The following NDUFAF6 variants were observed in gnomAD, a reference collection of about 807,000 sequenced individuals.
The protein encoded by NDUFAF6 is NADH dehydrogenase (ubiquinone) complex I, assembly factor 6.
A neutral mutation model predicts 40.8 loss-of-function variants in NDUFAF6; 45 were observed. The ratio of observed to expected loss-of-function variants is 1.10; its 90% CI spans 0.87 to 1.42. NDUFAF6 has a LOEUF of 1.42. Among genes scored for constraint, NDUFAF6 ranks in the 40% most tolerant of loss-of-function variants. The pLI is 0.00. For synonymous variants in NDUFAF6, 185 were observed against 155.9 expected (o/e 1.19, Z -1.39); for missense variants, 435 against 418.5 (o/e 1.04, Z -0.34).
At chr8:94,962,657 G>A (rs964471919) in intron 1 of NDUFAF6, among the ~76,000 whole-genome samples, 1 of 150,552 alleles carries the variant, frequency 6.6e-6, no homozygotes, top group African/African-American at 2.5e-5. Context: ...CTGTTTCCCA[G>A]GCTTGAGTAC....
At chr8:94,960,031 G>A (rs184572669) in intron 1 of NDUFAF6, among the ~76,000 whole-genome samples, 4 of 152,304 alleles carry the variant, frequency 2.6e-5, no homozygotes, top group East Asian at 3.9e-4. Flanking sequence ...TAAACAGATC[G>A]ATCAATGAGT....
chr8:95,004,549 T>C (rs1470592944), intron 2 of NDUFAF6, among the ~76,000 whole-genome samples: 1 of 152,008 alleles, frequency 6.6e-6, no homozygotes, highest in Non-Finnish European at 1.5e-5. Context: ...GGGGTCTTTC[T>C]GTGTTGCCCA....
upstream of NDUFAF6, among the ~76,000 whole-genome samples, chr8:94,956,165 G>C (rs1331505307): frequency 1.3e-5 from 2 of 152,190 alleles, no homozygotes; most frequent in Non-Finnish European, 2.9e-5. Context: ...GTGGTTCCGA[G>C]GTTAATGAGA....
chr8:95,063,552 GCT>G (rs1832623171), downstream of NDUFAF6, among the ~76,000 whole-genome samples: 2 of 152,140 alleles, frequency 1.3e-5, no homozygotes. Context: ...AGCCGAGATC[GCT>G]CCACTGCCCT....
intron 1 of NDUFAF6, chr8:94,939,701 A>T (rs781272298): frequency 2.8e-6 from 3 of 1,078,632 alleles, no homozygotes; most frequent in Non-Finnish European, 4.0e-6. Flanking sequence ...ACTGGTCAAC[A>T]AGTTATCTTA....
At chr8:95,031,209 C>T (rs1828793302) in intron 1 of NDUFAF6, among the ~76,000 whole-genome samples, 1 of 152,178 alleles carries the variant, frequency 6.6e-6, no homozygotes, top group Non-Finnish European at 1.5e-5. Flanking sequence ...TAGGTGTGTT[C>T]ACCAATACCG....
chr8:94,908,660 G>C (rs573717255), intron 1 of NDUFAF6, among the ~76,000 whole-genome samples: 1 of 152,224 alleles, frequency 6.6e-6, no homozygotes, highest in South Asian at 2.1e-4. Context: ...GTGAGCCACC[G>C]CTCGTGGCCT....
intron 5 of NDUFAF6, 111 bp downstream of exon 5, chr8:95,045,758 A>C (rs942382321): frequency 2.6e-6 from 2 of 781,956 alleles, no homozygotes; most frequent in Non-Finnish European, 4.3e-6. Flanking sequence ...CTTCCTTTAT[A>C]CTATCTGTAA....
At chr8:95,053,226 T>C (rs930625775) in intron 8 of NDUFAF6, among the ~76,000 whole-genome samples, 1 of 152,232 alleles carries the variant, frequency 6.6e-6, no homozygotes, top group African/African-American at 2.4e-5. Context: ...TAAATTTTCG[T>C]AGTGTAAGAG....
At chr8:95,107,594 G>A (rs1008748883), downstream of NDUFAF6, among the ~76,000 whole-genome samples, 2 of 151,942 alleles carry the variant, frequency 1.3e-5, no homozygotes, top group Non-Finnish European at 1.5e-5. Flanking sequence ...AAACCTGCAC[G>A]TTCTGCACTT....
intron 2 of NDUFAF6, chr8:95,033,999 T>C (rs774254351): frequency 8.7e-6 from 4 of 457,690 alleles, no homozygotes; most frequent in Non-Finnish European, 1.8e-5. Context: ...CTTGGTTATA[T>C]TTTGAAAGGA....
intron 1 of NDUFAF6, among the ~76,000 whole-genome samples, chr8:94,976,694 T>A (rs755845692): frequency 3.3e-5 from 5 of 151,392 alleles, no homozygotes; most frequent in Non-Finnish European, 4.4e-5. Flanking sequence ...AATACTGATG[T>A]TTGGAGAATG....
chr8:95,100,694 GA>G (rs1188268082), intron 1 of NDUFAF6, among the ~76,000 whole-genome samples: 6 of 152,202 alleles, frequency 3.9e-5, no homozygotes, highest in Non-Finnish European at 8.8e-5. Flanking sequence ...TTTATACCCA[GA>G]AACCTTTGCA....
At chr8:95,056,464 C>CG (rs779452278) in intron 8 of NDUFAF6, among the ~76,000 whole-genome samples, 38 of 152,168 alleles carry the variant, frequency 2.5e-4, no homozygotes, top group Non-Finnish European at 4.1e-4. Context: ...CCACCTGCCT[C>CG]GGTCTCCCAA....
At chr8:94,988,696 C>T (rs1826056449) in intron 2 of NDUFAF6, 1 of 152,170 alleles carries the variant, frequency 6.6e-6, no homozygotes, top group South Asian at 2.1e-4. Flanking sequence ...ATGGAATGAG[C>T]CCTGGATTGG....
intron 1 of NDUFAF6, among the ~76,000 whole-genome samples, chr8:94,897,447 G>A (rs1202922642): frequency 1.3e-5 from 2 of 152,290 alleles, no homozygotes; most frequent in South Asian, 2.1e-4. Context: ...AGGGTAGGGG[G>A]CGGGTATGTT....
At chr8:95,043,517 A>G (rs1229881641) in intron 4 of NDUFAF6, among the ~76,000 whole-genome samples, 1 of 151,982 alleles carries the variant, frequency 6.6e-6, no homozygotes, top group East Asian at 1.9e-4. Flanking sequence ...AATATGCAAG[A>G]AACTCTTACA....
At chr8:94,999,436 GA>G (rs1826614815) in intron 2 of NDUFAF6, among the ~76,000 whole-genome samples, 1 of 138,966 alleles carries the variant, frequency 7.2e-6, no homozygotes, top group Non-Finnish European at 1.5e-5. Context: ...TTTTTCTTTT[GA>G]GATGGAGTCT....
intron 1 of NDUFAF6, among the ~76,000 whole-genome samples, chr8:94,899,145 C>T (rs1054400058): frequency 9.9e-5 from 15 of 152,198 alleles, no homozygotes; most frequent in Middle Eastern, 3.2e-3. Context: ...ATCAACCGCC[C>T]GCCTCGGCCT....
Sources: gnomAD v4.1 joint callset for allele counts (sites outside exome capture counted in the v4.1 genomes callset) on GRCh38, gnomAD v4.1.1 for gene constraint, MANE v1.5 for transcripts, NCBI Gene and HGNC (gene_info 2026-07-23, HGNC 2026-07-21) for gene names.